SI: variants seen among roughly 807,000 people sequenced by gnomAD.
The protein encoded by SI is sucrase-isomaltase, intestinal.
SI carries 235 observed loss-of-function variants against 253.3 expected under a neutral mutation model. That is an observed-to-expected ratio of 0.93 (90% CI 0.83 to 1.03). SI has a LOEUF of 1.03. Among genes scored for constraint, SI ranks in the 50% least tolerant of loss-of-function variants. The pLI, the probability that SI is intolerant of heterozygous loss-of-function variation, is 0.00. For synonymous variants in SI, 819 were observed against 712.0 expected (o/e 1.15, Z -2.39); for missense variants, 2,442 against 2,211.1 (o/e 1.10, Z -2.09).
At position 165,009,356 on chromosome 3, in the gene SI, T is replaced by C; in HGVS notation, c.4102A>G (p.Thr1368Ala). 1 of 1,613,612 alleles carries C rather than the reference T, an allele frequency of 6.2e-7. No individual in the cohort carries two copies. The highest frequency in any genetic ancestry group is 8.5e-7 in the Non-Finnish European group (1 of 1,179,662). Reference sequence around the variant, plus strand: ...CTGGCCCACCACTCTGCTGTGGAAGTCCTGAAGAAATCTGGGAAAGCTACA... The same window carrying C: ...CTGGCCCACCACTCTGCTGTGGAAGCCCTGAAGAAATCTGGGAAAGCTACA... ...AHVAFPDFFR[T>A]STAEWWAREI... The change falls in exon 35 of 48, where the codon ACT (threonine) becomes GCT (alanine). Residue 1368 changes from threonine (T) to alanine (A), a missense_variant. Coordinates refer to ENST00000264382, the MANE Select transcript of SI (RefSeq NM_001041.4).
chr3:165,022,085 G>C (rs535730599), intron 26 of SI, among the ~76,000 whole-genome samples: 1 of 151,520 alleles, frequency 6.6e-6, no homozygotes, highest in Non-Finnish European at 1.5e-5. Flanking sequence ...GTGTAATTAT[G>C]TTGATATTTT....
chr3:165,004,802 G>A (rs181103462), intron 37 of SI, among the ~76,000 whole-genome samples: 33 of 152,262 alleles, frequency 2.2e-4, no homozygotes, highest in African/African-American at 7.0e-4. Context: ...CCAGAAGCTA[G>A]GAAGGGTTGT....
chr3:165,084,513 T>C, the SI span, among the ~76,000 whole-genome samples: 1 of 152,024 alleles, frequency 6.6e-6, no homozygotes, highest in Non-Finnish European at 1.5e-5. Flanking sequence ...AATTTTTTTC[T>C]GTATAATATT....
chr3:164,992,168 A>G lies in SI; in HGVS notation c.4983+9T>C, dbSNP rs1039284746. ...TTAGTTAATTCCCCAGAATTCCTTA[A>G]ATACTTACTGTATGGTAGTCAAACC... On this transcript the variant is annotated intron_variant, in intron 43 of 47. Coordinates refer to ENST00000264382, the MANE Select transcript of SI (RefSeq NM_001041.4). 1 of 1,606,852 alleles carries G rather than the reference A, an allele frequency of 6.2e-7. No homozygotes were observed. The highest frequency in any genetic ancestry group is 1.3e-5 in the African/African-American group (1 of 74,720).
chr3:165,054,697 T>C (rs916562010), intron 13 of SI, among the ~76,000 whole-genome samples: 11 of 152,156 alleles, frequency 7.2e-5, no homozygotes, highest in African/African-American at 2.7e-4. Flanking sequence ...AGGATTCTGT[T>C]TGTTGCTTTT....
Position 165,021,241 on chromosome 3 carries a change from C to T in SI, c.3242G>A (p.Ser1081Asn), listed in dbSNP as rs376341511. The change falls in exon 27 of 48, where the codon AGT becomes AAT. Residue 1081 changes from serine (S) to asparagine (N), a missense_variant. By Grantham distance (46) the Ser-to-Asn change is conservative. Transcript: ENST00000264382. ...PFGIQIRRRS[S>N]GRVIWDSWLP... ...TTCAATTACTTACATGACTCTTCCA[C>T]TGCTTCTCCGTCGAATCTGGATGCC... is the stretch of plus-strand genomic sequence containing the variant. 25 of 1,610,672 alleles carry T rather than the reference C, an allele frequency of 1.6e-5. No individual in the cohort carries two copies. The highest frequency in any genetic ancestry group is 1.9e-5 in the Non-Finnish European group (22 of 1,177,700).
intron 20 of SI, among the ~76,000 whole-genome samples, chr3:165,038,594 TTG>T (rs1374999359): frequency 3.3e-5 from 5 of 151,616 alleles, no homozygotes; most frequent in Non-Finnish European, 5.9e-5. Context: ...TCAAAAGGTC[TTG>T]TTCAATTGAA....
rs141804234 is a variant in SI at position 165,001,690 on chromosome 3, C to T, written c.4407-3017G>A. Among the ~76,000 whole-genome samples the T allele has an allele frequency of 4.3e-3, 657 of 151,402 alleles. 3 individuals carry two copies. Among genetic ancestry groups the T allele is most frequent in the African/African-American group, 0.015 (632 of 41,452 alleles). On this transcript the variant is annotated intron_variant, in intron 37 of 47. Transcript: ENST00000264382. ...GTCTGAAAGACATGCATTTACTATC[C>T]GGTCTTGAGACGAACAGCTGATTAA...
intron 31 of SI, 92 bp from the exon 32 acceptor site, chr3:165,016,172 T>A (rs913468481): frequency 8.5e-7 from 1 of 1,181,760 alleles, no homozygotes. Context: ...AACAGCAATA[T>A]GAAAGTTTGA....
Position 164,987,492 on chromosome 3 carries a change from T to C in SI, c.5109-266A>G, listed in dbSNP as rs577646639. ...TTGGGAGGCCAAGGCGGGTGGATCA[T>C]GAGGTCAGGAGTTCGAGACCATCCT... is the stretch of plus-strand genomic sequence containing the variant. On this transcript the variant is annotated intron_variant, in intron 44 of 47. Coordinates refer to ENST00000264382, the MANE Select transcript of SI (RefSeq NM_001041.4). Among the ~76,000 whole-genome samples the C allele has an allele frequency of 4.8e-4, 73 of 152,236 alleles. 1 individual carries two copies. Among genetic ancestry groups the C allele is most frequent in the Non-Finnish European group, 2.9e-5 (2 of 68,014 alleles).
At chr3:165,009,253 A>T in intron 35 of SI, 26 bp downstream of exon 35, 2 of 1,431,444 alleles carry the variant, frequency 1.4e-6, no homozygotes, top group Non-Finnish European at 2.0e-6. Flanking sequence ...ATAACTTAAA[A>T]CATAGATTGT....
At chr3:165,059,437 A>G in intron 10 of SI, 138 bp from the exon 11 acceptor site, 2 of 857,142 alleles carry the variant, frequency 2.3e-6, no homozygotes, top group Non-Finnish European at 3.7e-6. Flanking sequence ...TCATTTCACT[A>G]AAGAAGCAAT....
intron 19 of SI, among the ~76,000 whole-genome samples, 171 bp downstream of exon 19, chr3:165,039,716 A>G (rs1712716998): frequency 6.6e-6 from 1 of 152,056 alleles, no homozygotes; most frequent in African/African-American, 2.4e-5. Context: ...AATCTACTTA[A>G]TATTTTTATA....
At chr3:165,057,701 GAA>G (rs368533043) in intron 12 of SI, among the ~76,000 whole-genome samples, 136 of 123,836 alleles carry the variant, frequency 1.1e-3, no homozygotes, top group African/African-American at 3.8e-3. Flanking sequence ...ATGCTGTAGA[GAA>G]AAAAAAAAAA....
Position 165,065,349 on chromosome 3 carries a change from C to T in SI, c.719G>A (p.Gly240Asp), listed in dbSNP as rs763991344. 2 of 1,596,148 alleles carry T rather than the reference C, an allele frequency of 1.3e-6. No individual in the cohort carries two copies. Among genetic ancestry groups the T allele is most frequent in the Non-Finnish European group, 1.7e-6 (2 of 1,165,600 alleles). ...TCTCTTATGAACTTGTTCTCCAATA[C>T]CATAAATATAATCACTTGGAAGACG... Reference protein sequence around the residue: ...STRLPSDYIYGIGEQVHKRFR... With the variant: ...STRLPSDYIYDIGEQVHKRFR... The change falls in exon 7 of 48, where the codon GGT becomes GAT. Residue 240 changes from glycine (G) to aspartate (D), a missense_variant. Transcript: ENST00000264382.
Position 164,979,243 on chromosome 3 carries a change from TG to T in SI, c.*118del. 1 of 731,210 alleles carries T rather than the reference TG, an allele frequency of 1.4e-6. No homozygotes were observed. Among genetic ancestry groups the T allele is most frequent in the South Asian group, 1.4e-5 (1 of 69,922 alleles). The allele number at this position is 731,210 out of a possible 1,614,324, so 45.3% of individuals were successfully genotyped here. On this transcript the variant is annotated 3_prime_UTR_variant, in exon 48 of 48. Coordinates refer to ENST00000264382, the MANE Select transcript of SI (RefSeq NM_001041.4). ...TGTACGCTACAAAATAACTTTTCGATGTTATGAAAGCTATATTTTGTAGAGT... is the reference window on the plus strand; with the variant it reads ...TGTACGCTACAAAATAACTTTTCGATTTATGAAAGCTATATTTTGTAGAGT...
intron 25 of SI, among the ~76,000 whole-genome samples, chr3:165,025,501 C>G (rs1711863904): frequency 1.3e-5 from 2 of 151,184 alleles, no homozygotes; most frequent in Non-Finnish European, 3.0e-5. Flanking sequence ...GCTCAAAGAA[C>G]ACTTGGGATA....
intron 31 of SI, among the ~76,000 whole-genome samples, chr3:165,017,126 T>A (rs2108174101): frequency 6.6e-6 from 1 of 152,018 alleles, no homozygotes; most frequent in South Asian, 2.1e-4. Context: ...ATATTACAAC[T>A]ATTATCTATT....
chr3:165,011,973 T>C (rs2108164698), intron 34 of SI, among the ~76,000 whole-genome samples: 1 of 152,174 alleles, frequency 6.6e-6, no homozygotes, highest in Non-Finnish European at 1.5e-5. Flanking sequence ...ATATAATGAC[T>C]TCTTTTGTCT....
Sources: gnomAD v4.1 joint callset for allele counts (sites outside exome capture counted in the v4.1 genomes callset) on GRCh38, gnomAD v4.1.1 for gene constraint, MANE v1.5 for transcripts, NCBI Gene and HGNC (gene_info 2026-07-23, HGNC 2026-07-21) for gene names.